IL5RA: variants seen among roughly 807,000 people sequenced by gnomAD.
IL5RA encodes interleukin 5 receptor subunit alpha.
In IL5RA, 49 loss-of-function variants were observed where a neutral mutation model predicts 50.0. The observed-to-expected ratio is 0.98, with a 90% CI of 0.78 to 1.24. The LOEUF is 1.24. Ranked by LOEUF, IL5RA falls within the 50% of genes most tolerant of loss-of-function variation. The probability of loss-of-function intolerance (pLI) is 0.00; values close to 1 mark genes in which losing one functional copy is unlikely to be tolerated. For synonymous variants in IL5RA, 202 were observed against 174.0 expected (o/e 1.16, Z -1.26); for missense variants, 600 against 500.4 (o/e 1.20, Z -1.90).
At chr3:3,076,829 T>A (rs1015431093) in intron 9 of IL5RA, among the ~76,000 whole-genome samples, 2 of 152,140 alleles carry the variant, frequency 1.3e-5, no homozygotes, top group Non-Finnish European at 2.9e-5. Context: ...ACAAAGTTGA[T>A]ATAGGGTGAG....
intron 3 of IL5RA, 44 bp from the exon 4 acceptor site, chr3:3,102,864 A>T: frequency 1.3e-6 from 2 of 1,545,720 alleles, no homozygotes; most frequent in East Asian, 2.3e-5. Context: ...GTTCAACTGG[A>T]CATAGGCAGC....
At chr3:3,100,820 A>T (rs1323259117) in intron 5 of IL5RA, among the ~76,000 whole-genome samples, 1 of 152,094 alleles carries the variant, frequency 6.6e-6, no homozygotes, top group African/African-American at 2.4e-5. Flanking sequence ...AAGCCCATGC[A>T]AATTGGCTGG....
Position 3,098,075 on chromosome 3 carries a change from C to T in IL5RA, c.522-18G>A, listed in dbSNP as rs766301881. ...AGCCATACCTAAATTGGAACATTTA[C>T]GAGTGTTATGAGGTTGCAGGAAACA... On this transcript the variant is annotated intron_variant, in intron 6 of 11. Transcript: ENST00000446632. The T allele has an allele frequency of 2.2e-5, 36 of 1,613,908 alleles. 1 individual carries two copies. Among genetic ancestry groups the T allele is most frequent in the East Asian group, 2.0e-4 (9 of 44,876 alleles).
chr3:3,102,679 T>C lies in IL5RA; in HGVS notation c.224A>G (p.Asp75Gly). 2 of 1,584,970 alleles carry C rather than the reference T, an allele frequency of 1.3e-6. No homozygotes were observed. Among genetic ancestry groups the C allele is most frequent in the Non-Finnish European group, 1.7e-6 (2 of 1,160,472 alleles). The change falls in exon 4 of 12, where the codon GAT becomes GGT. Residue 75 changes from aspartate to glycine, a missense_variant. Asp to Gly is a moderately conservative substitution (Grantham distance 94). Coordinates refer to ENST00000446632, the MANE Select transcript of IL5RA (RefSeq NM_175726.4). ...TCCATTAGAATAAACACTTACGTCA[T>C]CTTCTTTTGGAGCGTTTATTTTCAC... ...YQVKINAPKE[D>G]DYETRITESK... is the part of the protein sequence containing the mutation.
chr3:3,102,173 G>A (rs937862499), intron 4 of IL5RA, among the ~76,000 whole-genome samples: 2 of 152,168 alleles, frequency 1.3e-5, no homozygotes, highest in Admixed American at 1.3e-4. Flanking sequence ...CCCTTTGTTT[G>A]ACTTTATTGC....
At position 3,099,570 on chromosome 3, in the gene IL5RA, A is replaced by G. The variant is rs1372633340; in HGVS notation, c.368-1280T>C. On this transcript the variant is annotated intron_variant, in intron 5 of 11. Transcript: ENST00000446632. ...CTTGAGCTGGGGAGGTCGAGGCTGC[A>G]ATGAACCAAGATCATACCACTACAC... Among the ~76,000 whole-genome samples, 8 of 152,162 alleles carry G rather than the reference A, an allele frequency of 5.3e-5. No individual in the cohort carries two copies. The East Asian group carries it at 1.4e-3, about 26-fold the overall frequency.
intron 10 of IL5RA, 44 bp from the exon 11 acceptor site, chr3:3,074,910 C>T: frequency 8.6e-7 from 1 of 1,164,016 alleles, no homozygotes; most frequent in Non-Finnish European, 1.3e-6. Context: ...ATGAGTATAC[C>T]TTTTGTCTCT....
rs775911773 is a variant in IL5RA, at chr3:3,102,674, C to A, written c.228+1G>T. 2 of 1,574,042 alleles carry A rather than the reference C, an allele frequency of 1.3e-6. No individual in the cohort carries two copies. Among genetic ancestry groups the A allele is most frequent in the Non-Finnish European group, 1.7e-6 (2 of 1,151,900 alleles). On this transcript the variant is annotated splice_donor_variant, in intron 4 of 11. Transcript: ENST00000446632. LOFTEE classifies it high-confidence loss of function. ...GGATATCCATTAGAATAAACACTTA[C>A]GTCATCTTCTTTTGGAGCGTTTATT...
chr3:3,088,919 T>C (rs1702980307), intron 9 of IL5RA, among the ~76,000 whole-genome samples: 1 of 152,164 alleles, frequency 6.6e-6, no homozygotes, highest in Non-Finnish European at 1.5e-5. Flanking sequence ...CCTTAGGCAT[T>C]TGACAAAATT....
chr3:3,086,779 C>T (rs934444294), intron 9 of IL5RA, among the ~76,000 whole-genome samples: 2 of 152,186 alleles, frequency 1.3e-5, no homozygotes, highest in African/African-American at 4.8e-5. Context: ...TTTATCACAG[C>T]ACCATTCACA....
rs150594572 is a variant in IL5RA at position 3,093,520 on chromosome 3, A to G, written c.856-1158T>C. On this transcript the variant is annotated intron_variant, in intron 8 of 11. Coordinates refer to ENST00000446632, the MANE Select transcript of IL5RA (RefSeq NM_175726.4). ...TTGTATTTGACAAAAGCACCAATCTATGGTAGATTAGACATTATAAAAACA... is the reference window on the plus strand; with the variant it reads ...TTGTATTTGACAAAAGCACCAATCTGTGGTAGATTAGACATTATAAAAACA... Among the ~76,000 whole-genome samples, 320 of 152,352 alleles carry G rather than the reference A, an allele frequency of 2.1e-3. 5 individuals carry two copies. Among genetic ancestry groups the G allele is most frequent in the African/African-American group, 7.0e-3 (289 of 41,580 alleles).
chr3:3,101,047 C>G (rs1019954116), intron 5 of IL5RA, among the ~76,000 whole-genome samples: 1 of 150,660 alleles, frequency 6.6e-6, no homozygotes, highest in African/African-American at 2.4e-5. Flanking sequence ...AGCATGGAGG[C>G]GCATGCCTAT....
intron 2 of IL5RA, among the ~76,000 whole-genome samples, chr3:3,106,008 A>T (rs569374358): frequency 1.5e-4 from 23 of 152,270 alleles, no homozygotes; most frequent in African/African-American, 5.1e-4. Context: ...CCCCCCAGAG[A>T]TTTGGTACCA....
At position 3,092,081 on chromosome 3, in the gene IL5RA, A is replaced by G; in HGVS notation, c.994+143T>C. 7.0e-7 allele frequency: 1 copy of G among 1,420,014 alleles called. No homozygotes were observed. The highest frequency in any genetic ancestry group is 9.2e-7 in the Non-Finnish European group (1 of 1,091,876). 88.0% of individuals were successfully genotyped at this position (1,420,014 alleles called of 1,614,324 possible). A position where few individuals can be genotyped will look rare whatever the true frequency, so the allele number is the denominator to read the frequency against. Reference sequence around the variant, plus strand: ...TCATGGCAAATCTATTCCTGATTGAAAAGGCAGTAGACCGAGAGAAAATTA... The same window carrying G: ...TCATGGCAAATCTATTCCTGATTGAGAAGGCAGTAGACCGAGAGAAAATTA... On this transcript the variant is annotated intron_variant, in intron 9 of 11. Coordinates refer to ENST00000446632, the MANE Select transcript of IL5RA (RefSeq NM_175726.4). The surrounding 1 kb of genome is among the most constrained non-coding windows in gnomAD (Gnocchi z 4.2).
chr3:3,082,498 T>C (rs3804803), intron 9 of IL5RA, among the ~76,000 whole-genome samples: 18,547 of 152,248 alleles, frequency 0.12, 1,255 homozygotes, highest in East Asian at 0.27. Flanking sequence ...TTTTTAGGCA[T>C]CACTAACGTA....
chr3:3,068,609 C>CAAA lies in IL5RA; in HGVS notation c.*1613_*1615dup, dbSNP rs1297513765. ...CCACAAAAAAAAAAAAAAAAAAAAA[C>CAAA]AAAAACAGGTTTGAGATTATGAATC... is the stretch of plus-strand genomic sequence containing the variant. On this transcript the variant is annotated 3_prime_UTR_variant, in exon 12 of 12. Coordinates refer to ENST00000446632, the MANE Select transcript of IL5RA (RefSeq NM_175726.4). The CAAA allele has an allele frequency of 1.8e-5, 1 of 55,428 alleles. No homozygotes were observed. Among genetic ancestry groups the CAAA allele is most frequent in the African/African-American group, 5.2e-5 (1 of 19,318 alleles). The allele number at this position is 55,428 out of a possible 1,614,324, so 3.4% of individuals were successfully genotyped here.
intron 2 of IL5RA, 27 bp downstream of exon 2, chr3:3,108,523 A>C (rs901873215): frequency 1.3e-5 from 2 of 152,256 alleles, no homozygotes; most frequent in African/African-American, 4.8e-5. Context: ...GCAATTTGTC[A>C]TCTCACATCC....
chr3:3,088,678 T>C (rs570412421), intron 9 of IL5RA, among the ~76,000 whole-genome samples: 82 of 152,298 alleles, frequency 5.4e-4, no homozygotes, highest in African/African-American at 1.9e-3. Context: ...TCAGAAAGCA[T>C]AACTAACTTC....
At chr3:3,098,798 G>A (rs906245834) in intron 5 of IL5RA, among the ~76,000 whole-genome samples, 4 of 152,132 alleles carry the variant, frequency 2.6e-5, no homozygotes, top group Admixed American at 6.5e-5. Context: ...TCTGATATTC[G>A]AGAGCTTCCC....
Sources: gnomAD v4.1 joint callset for allele counts (sites outside exome capture counted in the v4.1 genomes callset) on GRCh38, gnomAD v4.1.1 for gene constraint, Gnocchi (gnomAD v3.1) non-coding constraint, MANE v1.5 for transcripts, NCBI Gene and HGNC (gene_info 2026-07-23, HGNC 2026-07-21) for gene names.